Variants in CPA5 observed in about 807,000 individuals in gnomAD.
CPA5 encodes testicular tissue protein Li 32.
Under a neutral mutation model 52.2 loss-of-function variants are expected in CPA5, and 38 were observed. The ratio of observed to expected loss-of-function variants is 0.73; its 90% CI spans 0.56 to 0.95. CPA5 has a LOEUF of 0.95. CPA5 is among the 40% of genes least tolerant of loss of function. CPA5 has a pLI of 0.00. For synonymous variants in CPA5, 198 were observed against 213.7 expected, an observed-to-expected ratio of 0.93 and a Z score of 0.64; for missense variants, 519 against 566.7, an observed-to-expected ratio of 0.92 and a Z score of 0.86.
intron 10 of CPA5, among the ~76,000 whole-genome samples, chr7:130,364,669 G>T (rs1424231471): frequency 6.6e-6 from 1 of 152,192 alleles, no homozygotes; most frequent in South Asian, 2.1e-4. Flanking sequence ...AGGCTGGCTT[G>T]AGCCTGATTT....
At chr7:130,368,869 G>C (rs1055340817), downstream of CPA5, 16 of 462,554 alleles carry the variant, frequency 3.5e-5, no homozygotes, top group Middle Eastern at 5.4e-4. Context: ...AGGAAAATAA[G>C]GGGGTAGAGG....
chr7:130,345,423 T>A (rs1794677071), intron 1 of CPA5: 1 of 152,316 alleles, frequency 6.6e-6, no homozygotes. Flanking sequence ...TTCTGTTAGA[T>A]TCATCATTTG....
At chr7:130,369,043 C>T (rs1433362825), downstream of CPA5, among the ~76,000 whole-genome samples, 2 of 152,136 alleles carry the variant, frequency 1.3e-5, no homozygotes, top group African/African-American at 4.8e-5. Flanking sequence ...AAAGGTTGGC[C>T]CAGACAGGCC....
chr7:130,367,884 C>T (rs1554408980), intron 11 of CPA5, 22 bp from the exon 12 acceptor site: 3 of 1,611,084 alleles, frequency 1.9e-6, no homozygotes, highest in African/African-American at 1.3e-5. Flanking sequence ...CTGCCTTTCA[C>T]CCCGCCAATG....
intron 7 of CPA5, among the ~76,000 whole-genome samples, chr7:130,362,195 C>T (rs1795825645): frequency 6.6e-6 from 1 of 152,144 alleles, no homozygotes; most frequent in African/African-American, 2.4e-5. Flanking sequence ...ACTTTCAATC[C>T]TGGGAAATTC....
chr7:130,353,783 T>C (rs1554404598), intron 5 of CPA5, among the ~76,000 whole-genome samples: 1 of 152,192 alleles, frequency 6.6e-6, no homozygotes, highest in East Asian at 1.9e-4. Flanking sequence ...CTTGATTCCT[T>C]ATTACCTAAT....
rs1188632793 is a variant in CPA5, at chr7:130,346,673, G to T, written c.116+72G>T. On this transcript the variant is annotated intron_variant, in intron 3 of 12. Coordinates refer to ENST00000474905, the MANE Select transcript of CPA5 (RefSeq NM_080385.5). ...GGACTGGGTGTCCCAGCAGGAGGTG[G>T]CTGCCCTGCTGGTGCCTGATCAAGG... 3.9e-6 allele frequency: 5 copies of T among 1,269,890 alleles called. No homozygotes were observed. The East Asian group carries it at 1.2e-4, about 29-fold the overall frequency. 78.7% of individuals were successfully genotyped at this position (1,269,890 alleles called of 1,614,324 possible).
intron 6 of CPA5, 127 bp downstream of exon 6, chr7:130,359,814 G>A (rs892026468): frequency 4.1e-5 from 26 of 633,430 alleles, no homozygotes; most frequent in Admixed American, 5.7e-5. Flanking sequence ...CTTAGGGACT[G>A]TACAGCAGAC....
chr7:130,367,887 C>T lies in CPA5; in HGVS notation c.1039-19C>T, dbSNP rs200940719. The T allele has an allele frequency of 4.5e-5, 73 of 1,611,798 alleles. No individual in the cohort carries two copies. Among genetic ancestry groups the T allele is most frequent in the African/African-American group, 4.0e-5 (3 of 75,008 alleles). Reference sequence around the variant, plus strand: ...CCCGGGGAGCCCCTGCCTTTCACCCCGCCAATGTCATCTTGCAGTACGATC... The same window carrying T: ...CCCGGGGAGCCCCTGCCTTTCACCCTGCCAATGTCATCTTGCAGTACGATC... On this transcript the variant is annotated intron_variant, in intron 11 of 12. Coordinates refer to ENST00000474905, the MANE Select transcript of CPA5 (RefSeq NM_080385.5).
chr7:130,367,039 A>G (rs1373719304), intron 10 of CPA5, among the ~76,000 whole-genome samples: 2 of 152,254 alleles, frequency 1.3e-5, no homozygotes, highest in African/African-American at 2.4e-5. Flanking sequence ...TCATGCACAC[A>G]AAGTCCAACA....
At chr7:130,372,055 C>A (rs1470223318), downstream of CPA5, among the ~76,000 whole-genome samples, 1 of 152,210 alleles carries the variant, frequency 6.6e-6, no homozygotes, top group East Asian at 1.9e-4. Flanking sequence ...CTCCCTCTCT[C>A]CCCCTTCAAT....
intron 10 of CPA5, 39 bp downstream of exon 10, chr7:130,363,548 A>G (rs563311576): frequency 6.6e-7 from 1 of 1,516,632 alleles, no homozygotes; most frequent in African/African-American, 1.4e-5. Context: ...GTTGGAGAAG[A>G]GGTGTTGGCC....
At chr7:130,368,037 G>T (rs782549074) in intron 12 of CPA5, 47 bp downstream of exon 12, 1 of 1,545,028 alleles carries the variant, frequency 6.5e-7, no homozygotes, top group South Asian at 1.1e-5. Context: ...CATCTACCTG[G>T]GGCTGGCTGC....
At chr7:130,348,373 G>A (rs1794907818) in intron 4 of CPA5, among the ~76,000 whole-genome samples, 1 of 152,272 alleles carries the variant, frequency 6.6e-6, no homozygotes, top group East Asian at 1.9e-4. Flanking sequence ...TTTGTTAGGG[G>A]GCCATTGGAA....
chr7:130,348,963 C>A (rs913171471), intron 4 of CPA5, among the ~76,000 whole-genome samples: 2 of 152,330 alleles, frequency 1.3e-5, no homozygotes, highest in South Asian at 4.1e-4. Flanking sequence ...CCGCGAGTCA[C>A]TTAGTGGCCA....
chr7:130,355,322 A>G (rs1383901449), intron 5 of CPA5, among the ~76,000 whole-genome samples: 2 of 152,158 alleles, frequency 1.3e-5, no homozygotes, highest in Non-Finnish European at 2.9e-5. Context: ...AACATTCACT[A>G]GCATTTACTA....
At chr7:130,368,363 TC>T (rs1554409160) in intron 12 of CPA5, 46 bp from the exon 13 acceptor site, 1 of 1,587,620 alleles carries the variant, frequency 6.3e-7, no homozygotes, top group East Asian at 2.2e-5. Context: ...TGCAGCCACA[TC>T]CCCTTCTTCC....
rs1794863341 is a variant in CPA5 at position 130,347,822 on chromosome 7, A to T, written c.173A>T (p.Asp58Val). Residue 58 changes from aspartate (D) to valine (V), a missense_variant, in exon 4 of 13, where the codon GAT (aspartate) becomes GTT (valine). Transcript: ENST00000474905. ...KDEKQLSLLG[D>V]LEGLKPQKVD... The stretch of plus-strand genomic sequence containing the variant: ...GAGAAGCAGCTTTCACTTCTCGGGG[A>T]TCTGGAGGGCCTGAAACCCCAGAAG... 1 of 1,613,852 alleles carries T rather than the reference A, an allele frequency of 6.2e-7. No individual in the cohort carries two copies. Among genetic ancestry groups the T allele is most frequent in the Non-Finnish European group, 8.5e-7 (1 of 1,179,948 alleles).
Position 130,359,640 on chromosome 7 carries a change from C to A in CPA5, c.385C>A (p.Arg129Ser). 1.3e-6 allele frequency: 2 copies of A among 1,584,700 alleles called. No homozygotes were observed. The highest frequency in any genetic ancestry group is 1.7e-6 in the Non-Finnish European group (2 of 1,165,456). Reference protein sequence around the residue: ...QAMAKSRRLERSTNSFSYSSY... With the variant: ...QAMAKSRRLESSTNSFSYSSY... Reference sequence around the variant, plus strand: ...CATGGCGAAATCCCGCCGGCTGGAGCGCAGCACCAACAGCTTCAGTTACTC... The same window carrying A: ...CATGGCGAAATCCCGCCGGCTGGAGAGCAGCACCAACAGCTTCAGTTACTC... The change falls in exon 6 of 13, where the codon CGC (arginine) becomes AGC (serine). Residue 129 changes from arginine to serine, a missense_variant. Coordinates refer to ENST00000474905, the MANE Select transcript of CPA5 (RefSeq NM_080385.5).
Sources: gnomAD v4.1 joint callset for allele counts (sites outside exome capture counted in the v4.1 genomes callset) on GRCh38, gnomAD v4.1.1 for gene constraint, MANE v1.5 for transcripts, NCBI Gene and HGNC (gene_info 2026-07-23, HGNC 2026-07-21) for gene names.